The following DTNA variants were observed in gnomAD, a reference collection of about 807,000 sequenced individuals.
DTNA encodes dystrophin-related protein 3.
Under a neutral mutation model 100.7 loss-of-function variants are expected in DTNA, and 43 were observed. The ratio of observed to expected loss-of-function variants is 0.43; its 90% CI spans 0.33 to 0.55. DTNA has a LOEUF of 0.55. DTNA is among the 20% of genes least tolerant of loss of function. The pLI, the probability that DTNA is intolerant of heterozygous loss-of-function variation, is 0.04. For missense variants in DTNA, 798 were observed against 953.9 expected, an observed-to-expected ratio of 0.84 and a Z score of 2.15; for synonymous variants, 349 against 347.9, an observed-to-expected ratio of 1.00 and a Z score of -0.04.
chr18:34,870,725 A>G (rs987399594), intron 17 of DTNA, among the ~76,000 whole-genome samples: 3 of 151,854 alleles, frequency 2.0e-5, no homozygotes, highest in Admixed American at 6.6e-5. Context: ...CAGAGCCACA[A>G]TGGCCTTCCC....
intron 14 of DTNA, 112 bp downstream of exon 14, chr18:34,848,495 A>T (rs2096419924): frequency 8.7e-7 from 1 of 1,145,292 alleles, no homozygotes; most frequent in African/African-American, 1.5e-5. Flanking sequence ...AATTTGTGCT[A>T]ATTTATTGTG....
chr18:34,548,560 A>G (rs2045052950), intron 1 of DTNA, among the ~76,000 whole-genome samples: 1 of 152,116 alleles, frequency 6.6e-6, no homozygotes, highest in Non-Finnish European at 1.5e-5. Context: ...TTAAAAAGGC[A>G]TGTGCTTTGA....
chr18:34,758,765 A>G (rs2148309530), intron 2 of DTNA, among the ~76,000 whole-genome samples: 1 of 152,328 alleles, frequency 6.6e-6, no homozygotes, highest in Middle Eastern at 3.4e-3. Context: ...TGCTGTAAGA[A>G]AACAGAGGTC....
At chr18:34,579,988 ATCT>A (rs2048465914) in intron 1 of DTNA, among the ~76,000 whole-genome samples, 1 of 152,020 alleles carries the variant, frequency 6.6e-6, no homozygotes, top group African/African-American at 2.4e-5. Flanking sequence ...GTCACAGGAT[ATCT>A]GTCCCATTTT....
intron 1 of DTNA, among the ~76,000 whole-genome samples, chr18:34,742,126 A>G (rs1460471662): frequency 6.6e-6 from 1 of 152,188 alleles, no homozygotes; most frequent in Non-Finnish European, 1.5e-5. Context: ...AGGAAGCCTT[A>G]GGAGAGACTT....
intron 1 of DTNA, among the ~76,000 whole-genome samples, chr18:34,536,965 CAG>C (rs2043776968): frequency 2.9e-5 from 1 of 35,062 alleles, no homozygotes; most frequent in East Asian, 1.6e-3. Context: ...GTAAGTCAGC[CAG>C]CTGCTTTTAT....
Position 34,805,844 on chromosome 18 carries a change from G to A in DTNA, c.363-375G>A, listed in dbSNP as rs187474605. 2.2e-3 allele frequency among the ~76,000 whole-genome samples: 339 copies of A among 151,698 alleles called. 4 individuals are homozygous for A. The highest frequency in any genetic ancestry group is 2.2e-3 in the Non-Finnish European group (147 of 67,922). The stretch of plus-strand genomic sequence containing the variant: ...GTTTAAGTAAATTATAGAGATTCTG[G>A]AATTATTGTGTGCAAAAATCATTTT... On this transcript the variant is annotated intron_variant, in intron 4 of 22. Coordinates refer to ENST00000444659, the MANE Select transcript of DTNA (RefSeq NM_001386795.1).
chr18:34,716,104 C>A (rs2084001463), intron 1 of DTNA, among the ~76,000 whole-genome samples: 1 of 152,050 alleles, frequency 6.6e-6, no homozygotes, highest in Non-Finnish European at 1.5e-5. Context: ...ATTGCATATC[C>A]TTGGGCCCTA....
intron 1 of DTNA, among the ~76,000 whole-genome samples, chr18:34,570,986 G>C (rs776370382): frequency 3.9e-5 from 6 of 152,166 alleles, no homozygotes; most frequent in Non-Finnish European, 8.8e-5. Context: ...ACAGTACTAA[G>C]TGCTTTGCAT....
chr18:34,521,055 T>C (rs2042104010), intron 1 of DTNA, among the ~76,000 whole-genome samples: 1 of 152,206 alleles, frequency 6.6e-6, no homozygotes, highest in Non-Finnish European at 1.5e-5. Context: ...GACTGTATTT[T>C]CTGATGAAAG....
intron 1 of DTNA, chr18:34,755,688 G>C: frequency 5.4e-6 from 2 of 373,606 alleles, no homozygotes; most frequent in Non-Finnish European, 1.0e-5. Flanking sequence ...ACAGATGGTA[G>C]ATTGTTGTAT....
intron 1 of DTNA, among the ~76,000 whole-genome samples, chr18:34,722,281 T>A (rs938121279): frequency 1.3e-5 from 2 of 152,092 alleles, no homozygotes; most frequent in Non-Finnish European, 2.9e-5. Flanking sequence ...TGAACTATAA[T>A]TTAAAAGGGT....
At chr18:34,500,889 C>T (rs1487438145) in intron 1 of DTNA, among the ~76,000 whole-genome samples, 2 of 152,128 alleles carry the variant, frequency 1.3e-5, no homozygotes, top group Non-Finnish European at 2.9e-5. Context: ...TGTAGACCAC[C>T]ATCATGTAAT....
At chr18:34,651,979 T>C (rs2060497256) in intron 1 of DTNA, among the ~76,000 whole-genome samples, 1 of 151,614 alleles carries the variant, frequency 6.6e-6, no homozygotes, top group Non-Finnish European at 1.5e-5. Context: ...GGTGACAGGA[T>C]CACTTGAGCC....
intron 1 of DTNA, among the ~76,000 whole-genome samples, chr18:34,555,792 C>G (rs2045967573): frequency 6.6e-6 from 1 of 152,030 alleles, no homozygotes; most frequent in African/African-American, 2.4e-5. Context: ...AGCTTTACTT[C>G]CAAGTATGTG....
intron 13 of DTNA, among the ~76,000 whole-genome samples, chr18:34,845,079 G>A (rs1169231102): frequency 2.6e-5 from 4 of 152,104 alleles, no homozygotes. Context: ...AGAAAGTGTT[G>A]GAATTGGTAT....
intron 15 of DTNA, among the ~76,000 whole-genome samples, chr18:34,853,965 C>T (rs989787857): frequency 6.6e-6 from 1 of 151,964 alleles, no homozygotes; most frequent in African/African-American, 2.4e-5. Context: ...GAGAAACAAC[C>T]CAAAAAAAGG....
intron 1 of DTNA, among the ~76,000 whole-genome samples, chr18:34,622,550 G>A (rs1450924603): frequency 6.6e-6 from 1 of 152,220 alleles, no homozygotes; most frequent in African/African-American, 2.4e-5. Context: ...TAACATGTGA[G>A]CCTGAGTGGA....
chr18:34,712,291 G>A (rs1449149339), intron 1 of DTNA, among the ~76,000 whole-genome samples: 1 of 152,044 alleles, frequency 6.6e-6, no homozygotes, highest in Non-Finnish European at 1.5e-5. Context: ...TGTCAGAGAA[G>A]AGAGTAGTAT....
Sources: gnomAD v4.1 joint callset for allele counts (sites outside exome capture counted in the v4.1 genomes callset) on GRCh38, gnomAD v4.1.1 for gene constraint, MANE v1.5 for transcripts, NCBI Gene and HGNC (gene_info 2026-07-23, HGNC 2026-07-21) for gene names.